The following ZNF681 variants were observed in gnomAD, a reference collection of about 807,000 sequenced individuals.
ZNF681 encodes the protein zinc finger protein 681.
In ZNF681, 37 loss-of-function variants were observed where a neutral mutation model predicts 56.0. That is an observed-to-expected ratio of 0.66 (90% confidence interval 0.51 to 0.87). The LOEUF is 0.87. Among genes scored for constraint, ZNF681 ranks in the 40% least tolerant of loss-of-function variants. ZNF681 has a pLI of 0.00. For missense variants in ZNF681, 741 were observed against 744.9 expected, an observed-to-expected ratio of 0.99 and a Z score of 0.06; for synonymous variants, 225 against 248.6, an observed-to-expected ratio of 0.91 and a Z score of 0.89.
At chr19:23,748,706 A>G (rs975017625) in intron 3 of ZNF681, among the ~76,000 whole-genome samples, 8 of 152,228 alleles carry the variant, frequency 5.3e-5, no homozygotes, top group African/African-American at 1.9e-4. Flanking sequence ...CAAGTCTTAA[A>G]TGGACTAATA....
At chr19:23,749,820 C>G (rs930901141) in intron 3 of ZNF681, among the ~76,000 whole-genome samples, 1 of 148,214 alleles carries the variant, frequency 6.7e-6, no homozygotes, top group African/African-American at 2.5e-5. Flanking sequence ...CAAAAAAAAT[C>G]TGAAAAAATT....
chr19:23,745,753 A>C (rs1968936507), intron 3 of ZNF681, among the ~76,000 whole-genome samples: 2 of 152,232 alleles, frequency 1.3e-5, no homozygotes, highest in Non-Finnish European at 1.5e-5. Context: ...GCTCGGCCCA[A>C]AGGCCCTAAT....
chr19:23,755,495 G>C lies in ZNF681; in HGVS notation c.60C>G (p.Cys20Trp), dbSNP rs1418048227. 3 of 1,600,206 alleles carry C rather than the reference G, an allele frequency of 1.9e-6. No homozygotes were observed. Among genetic ancestry groups the C allele is most frequent in the Middle Eastern group, 1.7e-4 (1 of 5,988 alleles). Residue 20 changes from cysteine to tryptophan, a missense_variant, in exon 2 of 4, where the codon TGC becomes TGG. Transcript: ENST00000402377. ...ATAAATTCTGCTGTATAGTGTCCAG[G>C]CATTGCCACTCCTCCAGAGAGAATT... The part of the protein sequence containing the change: ...AIEFSLEEWQ[C>W]LDTIQQNLYR...
At position 23,758,783 on chromosome 19, in the gene ZNF681, A is replaced by G. The variant is rs1214620175; in HGVS notation, c.-34T>C. The stretch of plus-strand genomic sequence containing the variant: ...TTCCGGGGGACCTGGCGTCTTAGCT[A>G]TGGATCGCCAATACCTGCAGGTCAG... On this transcript the variant is annotated 5_prime_UTR_variant, in exon 1 of 4. Coordinates refer to ENST00000402377, the MANE Select transcript of ZNF681 (RefSeq NM_138286.3). 2 of 1,613,994 alleles carry G rather than the reference A, an allele frequency of 1.2e-6. No homozygotes were observed. Among genetic ancestry groups the G allele is most frequent in the Non-Finnish European group, 1.7e-6 (2 of 1,180,016 alleles).
At chr19:23,753,982 AACT>A (rs1370396256) in intron 3 of ZNF681, among the ~76,000 whole-genome samples, 4 of 152,036 alleles carry the variant, frequency 2.6e-5, no homozygotes, top group African/African-American at 9.7e-5. Flanking sequence ...TTATATATGA[AACT>A]ACAATAAACT....
chr19:23,747,854 C>A (rs1221137907), intron 3 of ZNF681, among the ~76,000 whole-genome samples: 1 of 151,806 alleles, frequency 6.6e-6, no homozygotes, highest in Non-Finnish European at 1.5e-5. Flanking sequence ...ATAGAGAGCC[C>A]AGAAATAAAC....
rs561390306 is a variant in ZNF681 at position 23,739,654 on chromosome 19, T to C, written c.*3958A>G. On this transcript the variant is annotated 3_prime_UTR_variant, in exon 4 of 4. Transcript: ENST00000402377. ...AGGGCAGCTGTTTCTTATGGTCTCA[T>C]GACTGGCCACTCTGTGAACACAGTA... 73 of 152,318 alleles carry C rather than the reference T, an allele frequency of 4.8e-4. No individual in the cohort carries two copies. Among genetic ancestry groups the C allele is most frequent in the African/African-American group, 1.7e-3 (70 of 41,576 alleles). 9.4% of individuals were successfully genotyped at this position (152,318 alleles called of 1,614,324 possible).
At chr19:23,748,475 T>G (rs1968978055) in intron 3 of ZNF681, among the ~76,000 whole-genome samples, 1 of 152,194 alleles carries the variant, frequency 6.6e-6, no homozygotes, top group East Asian at 1.9e-4. Flanking sequence ...AAGCCTGCAC[T>G]AAGTAAAGCA....
intron 3 of ZNF681, among the ~76,000 whole-genome samples, chr19:23,746,834 G>A (rs1039159952): frequency 6.6e-6 from 1 of 152,184 alleles, no homozygotes; most frequent in Admixed American, 6.5e-5. Context: ...ATTAAATTTA[G>A]GAATACCAGG....
intron 3 of ZNF681, among the ~76,000 whole-genome samples, chr19:23,745,741 G>A (rs757368726): frequency 2.5e-4 from 37 of 149,338 alleles, no homozygotes; most frequent in Non-Finnish European, 4.2e-4. Context: ...ATGAGCCACC[G>A]TGCTCGGCCC....
intron 3 of ZNF681, among the ~76,000 whole-genome samples, chr19:23,746,689 A>G (rs1353486426): frequency 6.6e-6 from 1 of 152,206 alleles, no homozygotes; most frequent in Non-Finnish European, 1.5e-5. Context: ...TGTTTGGGGA[A>G]CGTGAACATT....
intron 3 of ZNF681, among the ~76,000 whole-genome samples, chr19:23,752,988 T>G (rs1177747955): frequency 6.6e-6 from 1 of 151,660 alleles, no homozygotes; most frequent in East Asian, 1.9e-4. Flanking sequence ...TGTATATATA[T>G]AGAGTACATT....
intron 2 of ZNF681, among the ~76,000 whole-genome samples, chr19:23,755,183 T>C (rs969671192): frequency 6.6e-6 from 1 of 152,164 alleles, no homozygotes; most frequent in African/African-American, 2.4e-5. Context: ...ACTAAACTTC[T>C]GGAATTACCA....
intron 3 of ZNF681, among the ~76,000 whole-genome samples, chr19:23,752,462 T>C (rs1490933530): frequency 5.3e-5 from 8 of 152,116 alleles, no homozygotes; most frequent in Admixed American, 5.2e-4. Flanking sequence ...AAAAATCCTC[T>C]CTGATACACA....
chr19:23,754,520 GCTGGGCGTGGTGGCACACAC>G (rs1290799726), intron 3 of ZNF681, among the ~76,000 whole-genome samples: 1 of 152,026 alleles, frequency 6.6e-6, no homozygotes, highest in Non-Finnish European at 1.5e-5. Context: ...ACAAAAATTA[GCTGGGCGTGGTGGCACACAC>G]CTGTAGTCCC....
chr19:23,743,860 A>G lies in ZNF681; in HGVS notation c.1690T>C (p.Cys564Arg), dbSNP rs774890891. 4.3e-6 allele frequency: 7 copies of G among 1,613,012 alleles called. No homozygotes were observed. The highest frequency in any genetic ancestry group is 3.3e-5 in the South Asian group (3 of 91,016). The change falls in exon 4 of 4, where the codon TGT (cysteine) becomes CGT (arginine). Residue 564 changes from cysteine to arginine, a missense_variant. Transcript: ENST00000402377. ...VIHTGEKPYQ[C>R]EECGKAFNQS... Reference sequence around the variant, plus strand: ...TTAAAGGCTTTACCACATTCTTCACATTGGTAGGGTTTCTCTCCAGTATGA... The same window carrying G: ...TTAAAGGCTTTACCACATTCTTCACGTTGGTAGGGTTTCTCTCCAGTATGA...
At chr19:23,748,437 G>A (rs1346242780) in intron 3 of ZNF681, among the ~76,000 whole-genome samples, 5 of 152,172 alleles carry the variant, frequency 3.3e-5, no homozygotes, top group Non-Finnish European at 7.3e-5. Context: ...AACATCTGGA[G>A]ACTACTGTTC....
chr19:23,756,469 G>T (rs938090327), intron 1 of ZNF681, among the ~76,000 whole-genome samples: 2 of 152,072 alleles, frequency 1.3e-5, no homozygotes, highest in African/African-American at 4.8e-5. Flanking sequence ...CCATAAAAAA[G>T]AATGAGATCA....
Position 23,745,241 on chromosome 19 carries a change from A to G in ZNF681, c.309T>C (p.Tyr103=), listed in dbSNP as rs866903973. The G allele has an allele frequency of 1.2e-6, 2 of 1,610,146 alleles. No homozygotes were observed. Among genetic ancestry groups the G allele is most frequent in the East Asian group, 2.2e-5 (1 of 44,782 alleles). ...GTAAATTCTCATGTTCACATTTTCCATATCTTCTTGGTGTCACTTTTTGGA... is the reference window on the plus strand; with the variant it reads ...GTAAATTCTCATGTTCACATTTTCCGTATCTTCTTGGTGTCACTTTTTGGA... ...DSFQKVTPRR[Y]GKCEHENLQL... is the part of the protein sequence containing the mutation. The change falls in exon 4 of 4, where the codon TAT becomes TAC. Residue 103 remains tyrosine (Y), a synonymous_variant. Coordinates refer to ENST00000402377, the MANE Select transcript of ZNF681 (RefSeq NM_138286.3).
Sources: gnomAD v4.1 joint callset for allele counts (sites outside exome capture counted in the v4.1 genomes callset) on GRCh38, gnomAD v4.1.1 for gene constraint, MANE v1.5 for transcripts, NCBI Gene and HGNC (gene_info 2026-07-23, HGNC 2026-07-21) for gene names.